The following NRP1 variants were observed in gnomAD, a reference collection of about 807,000 sequenced individuals.
NRP1 encodes neuropilin 1, also known as neuropilin-1.
A neutral mutation model predicts 106.7 loss-of-function variants in NRP1; 35 were observed. The observed-to-expected ratio is 0.33, with a 90% CI of 0.25 to 0.43. NRP1 has a LOEUF of 0.43. NRP1 is among the 20% of genes least tolerant of loss of function. The probability of loss-of-function intolerance (pLI) is 1.00; values close to 1 mark genes in which losing one functional copy is unlikely to be tolerated. For missense variants in NRP1, 1,024 were observed against 1,170.4 expected, an observed-to-expected ratio of 0.87 and a Z score of 1.83; for synonymous variants, 437 against 417.9, an observed-to-expected ratio of 1.05 and a Z score of -0.56.
intron 2 of NRP1, among the ~76,000 whole-genome samples, chr10:33,284,819 C>CA (rs1437798667): frequency 6.6e-6 from 1 of 152,186 alleles, no homozygotes; most frequent in African/African-American, 2.4e-5. Context: ...CAACATACGC[C>CA]AATCTCATTG....
chr10:33,265,455 G>A (rs758178701), intron 3 of NRP1, among the ~76,000 whole-genome samples: 1 of 152,172 alleles, frequency 6.6e-6, no homozygotes, highest in Non-Finnish European at 1.5e-5. Context: ...AAAGTGCCAG[G>A]CAACTAGAGG....
chr10:33,311,701 T>G (rs1448331368), intron 2 of NRP1, among the ~76,000 whole-genome samples: 2 of 152,212 alleles, frequency 1.3e-5, no homozygotes, highest in African/African-American at 4.8e-5. Context: ...TGCCTGAATC[T>G]CCCTCAATTT....
chr10:33,206,193 A>T (rs1211452090), intron 10 of NRP1: 1 of 518,570 alleles, frequency 1.9e-6, no homozygotes, highest in Non-Finnish European at 3.9e-6. Context: ...CAGGCTACAG[A>T]TTCGCATCCA....
At chr10:33,310,248 C>CCTT (rs1846494472) in intron 2 of NRP1, among the ~76,000 whole-genome samples, 1 of 80,150 alleles carries the variant, frequency 1.2e-5, no homozygotes, top group Admixed American at 1.9e-4. Context: ...TGCGCCCGGC[C>CCTT]TTTTTTTTTT....
intron 2 of NRP1, among the ~76,000 whole-genome samples, chr10:33,298,346 C>T (rs1023033479): frequency 4.6e-5 from 7 of 152,126 alleles, no homozygotes; most frequent in African/African-American, 1.2e-4. Context: ...ACAGACAGCT[C>T]TCACCCTCCT....
At chr10:33,271,298 T>C (rs1843298249) in intron 2 of NRP1, among the ~76,000 whole-genome samples, 1 of 152,202 alleles carries the variant, frequency 6.6e-6, no homozygotes, top group African/African-American at 2.4e-5. Flanking sequence ...CTATGAACAA[T>C]ACTTTGATTT....
At chr10:33,278,164 C>T (rs1284256864) in intron 2 of NRP1, among the ~76,000 whole-genome samples, 1 of 152,034 alleles carries the variant, frequency 6.6e-6, no homozygotes, top group Admixed American at 6.6e-5. Flanking sequence ...GGGGCAAGCA[C>T]TTACGACTTA....
intron 2 of NRP1, among the ~76,000 whole-genome samples, chr10:33,288,838 A>G (rs1483367942): frequency 4.6e-5 from 7 of 152,202 alleles, no homozygotes; most frequent in African/African-American, 1.7e-4. Flanking sequence ...AGGGAGTAGG[A>G]GCCAAGGAAT....
intron 11 of NRP1, chr10:33,202,589 GA>G (rs1837422755): frequency 6.9e-7 from 1 of 1,447,642 alleles, no homozygotes; most frequent in Non-Finnish European, 9.2e-7. Flanking sequence ...TGAAAATAAT[GA>G]AAATAAGGAT....
intron 11 of NRP1, among the ~76,000 whole-genome samples, chr10:33,199,384 TATATA>T (rs1236329210): frequency 1.4e-5 from 1 of 73,136 alleles, no homozygotes; most frequent in Non-Finnish European, 2.7e-5. Context: ...TATATATATA[TATATA>T]TTTTTTTTTT....
At chr10:33,186,079 T>C (rs1282982683) in intron 14 of NRP1, 138 bp downstream of exon 14, 2 of 1,143,386 alleles carry the variant, frequency 1.7e-6, no homozygotes, top group East Asian at 2.5e-5. Flanking sequence ...GTGGTTATCA[T>C]TGCAGCAATA....
chr10:33,280,534 A>T (rs1844043784), intron 2 of NRP1, among the ~76,000 whole-genome samples: 1 of 152,248 alleles, frequency 6.6e-6, no homozygotes, highest in Non-Finnish European at 1.5e-5. Flanking sequence ...TTCAGGGAAA[A>T]AAAAATACAA....
intron 6 of NRP1, among the ~76,000 whole-genome samples, chr10:33,246,799 T>C (rs1841463881): frequency 6.6e-6 from 1 of 152,164 alleles, no homozygotes; most frequent in South Asian, 2.1e-4. Context: ...TCTGAATGAG[T>C]TAATACACCC....
intron 9 of NRP1, 157 bp downstream of exon 9, chr10:33,213,229 T>C: frequency 5.1e-6 from 8 of 1,571,312 alleles, no homozygotes; most frequent in Non-Finnish European, 6.9e-6. Flanking sequence ...CATATTCCTG[T>C]CTTCCTAGAA....
intron 9 of NRP1, among the ~76,000 whole-genome samples, chr10:33,209,620 G>A (rs1838116660): frequency 6.6e-6 from 1 of 152,162 alleles, no homozygotes; most frequent in South Asian, 2.1e-4. Context: ...GGGCCTGCAG[G>A]TGCCCACCAA....
intron 12 of NRP1, chr10:33,195,643 C>T (rs1396942620): frequency 1.7e-5 from 9 of 522,144 alleles, no homozygotes; most frequent in South Asian, 1.1e-4. Flanking sequence ...CAGAGTTAGA[C>T]CTGACCCCTG....
At chr10:33,293,366 G>C (rs1159346552) in intron 2 of NRP1, among the ~76,000 whole-genome samples, 1 of 152,160 alleles carries the variant, frequency 6.6e-6, no homozygotes, top group Non-Finnish European at 1.5e-5. Context: ...TTTACAACCT[G>C]TTTGGACTGT....
chr10:33,311,073 T>C (rs1192728849), intron 2 of NRP1, among the ~76,000 whole-genome samples: 1 of 152,126 alleles, frequency 6.6e-6, no homozygotes, highest in African/African-American at 2.4e-5. Context: ...GGACCTAGAA[T>C]TATAGGCAAA....
intron 1 of NRP1, among the ~76,000 whole-genome samples, chr10:33,333,701 T>C (rs894834564): frequency 5.9e-5 from 9 of 152,232 alleles, no homozygotes; most frequent in African/African-American, 2.2e-4. Context: ...AAAAGCTAAG[T>C]GGAAGCTGCA....
Sources: gnomAD v4.1 joint callset for allele counts (sites outside exome capture counted in the v4.1 genomes callset) on GRCh38, gnomAD v4.1.1 for gene constraint, MANE v1.5 for transcripts, NCBI Gene and HGNC (gene_info 2026-07-23, HGNC 2026-07-21) for gene names.